The following FGF12 variants were observed in gnomAD, a reference collection of about 807,000 sequenced individuals.
FGF12 encodes fibroblast growth factor 12B.
In FGF12, 14 loss-of-function variants were observed where a neutral mutation model predicts 23.6. That is an observed-to-expected ratio of 0.59 (90% CI 0.39 to 0.93). The LOEUF is 0.93. Ranked by LOEUF, FGF12 falls within the 40% of genes least tolerant of loss-of-function variation. FGF12 has a pLI of 0.00. For missense variants in FGF12, 175 were observed against 217.8 expected, an observed-to-expected ratio of 0.80 and a Z score of 1.24; for synonymous variants, 62 against 77.3, an observed-to-expected ratio of 0.80 and a Z score of 1.04.
At chr3:192,570,863 C>T (rs2108604590) in intron 2 of FGF12, among the ~76,000 whole-genome samples, 1 of 152,248 alleles carries the variant, frequency 6.6e-6, no homozygotes, top group Non-Finnish European at 1.5e-5. Flanking sequence ...AACCTTAGCA[C>T]ATCCCTTTTT....
At chr3:192,458,249 C>T (rs965237935) in intron 2 of FGF12, among the ~76,000 whole-genome samples, 2 of 152,144 alleles carry the variant, frequency 1.3e-5, no homozygotes, top group African/African-American at 4.8e-5. Flanking sequence ...GGGGCACTGC[C>T]TAGTAGAGCT....
At chr3:192,290,306 A>G (rs1289340080) in intron 4 of FGF12, among the ~76,000 whole-genome samples, 3 of 152,134 alleles carry the variant, frequency 2.0e-5, no homozygotes, top group Non-Finnish European at 4.4e-5. Context: ...AGTGTGTGCA[A>G]TTATGATTTC....
intron 4 of FGF12, among the ~76,000 whole-genome samples, chr3:192,214,114 G>C (rs762047704): frequency 3.3e-5 from 5 of 152,110 alleles, no homozygotes; most frequent in Non-Finnish European, 7.4e-5. Context: ...CTTTTCCTTC[G>C]ACAGAGACGG....
intron 4 of FGF12, among the ~76,000 whole-genome samples, chr3:192,278,949 T>C (rs1479470060): frequency 6.6e-6 from 1 of 150,580 alleles, no homozygotes; most frequent in African/African-American, 2.4e-5. Context: ...ACTAAAATTT[T>C]TGGTGGCCTT....
intron 2 of FGF12, among the ~76,000 whole-genome samples, chr3:192,374,938 C>A (rs1719409885): frequency 1.3e-5 from 2 of 152,302 alleles, no homozygotes; most frequent in African/African-American, 4.8e-5. Flanking sequence ...ACAGTCATCT[C>A]TTTAATTCCA....
At chr3:192,213,254 A>G (rs566056054) in intron 4 of FGF12, among the ~76,000 whole-genome samples, 30 of 152,268 alleles carry the variant, frequency 2.0e-4, no homozygotes, top group Non-Finnish European at 3.7e-4. Context: ...TGGTTATCTG[A>G]AAGCGTCTCC....
At chr3:192,676,309 G>A (rs1183990046) in intron 2 of FGF12, among the ~76,000 whole-genome samples, 3 of 152,162 alleles carry the variant, frequency 2.0e-5, no homozygotes, top group East Asian at 3.8e-4. Flanking sequence ...AGAAAGAGCT[G>A]CAGAGTCCTA....
chr3:192,649,468 T>C (rs548529525), intron 2 of FGF12, among the ~76,000 whole-genome samples: 1 of 152,150 alleles, frequency 6.6e-6, no homozygotes, highest in Admixed American at 6.5e-5. Context: ...AGTTTTATTC[T>C]TATTATTATA....
chr3:192,441,838 A>G lies in FGF12; in HGVS notation c.14-81300T>C, dbSNP rs113657140. 4.4e-3 allele frequency among the ~76,000 whole-genome samples: 674 copies of G among 152,342 alleles called. 8 individuals are homozygous for G. The highest frequency in any genetic ancestry group is 0.016 in the African/African-American group (652 of 41,578). ...GCCTGGTTTCCCAGTGAACAATTTC[A>G]TCCATTACAGAATTTTCCTGTTTGT... On this transcript the variant is annotated intron_variant, in intron 2 of 5. Transcript: ENST00000445105.
At chr3:192,648,428 C>T (rs1435738648) in intron 2 of FGF12, among the ~76,000 whole-genome samples, 1 of 151,560 alleles carries the variant, frequency 6.6e-6, no homozygotes, top group Non-Finnish European at 1.5e-5. Flanking sequence ...GTCTCCCCCA[C>T]GATATGGTCA....
chr3:192,565,312 T>C (rs1577056657), intron 2 of FGF12, among the ~76,000 whole-genome samples: 1 of 152,350 alleles, frequency 6.6e-6, no homozygotes, highest in Non-Finnish European at 1.5e-5. Context: ...TTCAAAATAA[T>C]TTGCATTCTA....
At chr3:192,675,162 T>C (rs1717281226) in intron 2 of FGF12, among the ~76,000 whole-genome samples, 1 of 152,176 alleles carries the variant, frequency 6.6e-6, no homozygotes, top group Non-Finnish European at 1.5e-5. Context: ...AGCCTGTAGA[T>C]GGCCTGAGCA....
chr3:192,560,342 A>C (rs1711967199), intron 2 of FGF12, among the ~76,000 whole-genome samples: 1 of 152,026 alleles, frequency 6.6e-6, no homozygotes. Flanking sequence ...CACTCAAATA[A>C]ATAAAAAAAT....
intron 2 of FGF12, among the ~76,000 whole-genome samples, chr3:192,506,960 C>T (rs147573908): frequency 1.5e-3 from 221 of 145,816 alleles, no homozygotes; most frequent in African/African-American, 5.1e-3. Context: ...GGTGTGATCT[C>T]GGCTCACTGA....
chr3:192,305,679 A>ATATATATATATATATATATAT (rs1553794685), intron 4 of FGF12, among the ~76,000 whole-genome samples: 1 of 131,936 alleles, frequency 7.6e-6, no homozygotes, highest in South Asian at 2.6e-4. Flanking sequence ...AAAAAAAAAA[A>ATATATATATATATATATATAT]ATATATATAT....
chr3:192,226,157 C>T (rs1718721326), intron 4 of FGF12, among the ~76,000 whole-genome samples: 1 of 152,128 alleles, frequency 6.6e-6, no homozygotes, highest in Non-Finnish European at 1.5e-5. Flanking sequence ...CTTCTATAGC[C>T]TCTCTTCATG....
At chr3:192,476,404 C>T (rs1451522352) in intron 2 of FGF12, among the ~76,000 whole-genome samples, 1 of 152,138 alleles carries the variant, frequency 6.6e-6, no homozygotes, top group Non-Finnish European at 1.5e-5. Context: ...TAAAGCCTGA[C>T]TCCCACCACC....
At chr3:192,342,979 AAGAGGAAG>A (rs1173482316) in intron 3 of FGF12, among the ~76,000 whole-genome samples, 3 of 151,974 alleles carry the variant, frequency 2.0e-5, no homozygotes, top group Non-Finnish European at 4.4e-5. Flanking sequence ...GAAAGAGAAG[AAGAGGAAG>A]AGAGGGAGAG....
At chr3:192,419,330 A>G (rs1359624168) in intron 2 of FGF12, among the ~76,000 whole-genome samples, 5 of 152,170 alleles carry the variant, frequency 3.3e-5, no homozygotes, top group African/African-American at 1.2e-4. Flanking sequence ...GTTAACAAAT[A>G]GAGCTGGGGA....
Sources: gnomAD v4.1 joint callset for allele counts (sites outside exome capture counted in the v4.1 genomes callset) on GRCh38, gnomAD v4.1.1 for gene constraint, MANE v1.5 for transcripts, NCBI Gene and HGNC (gene_info 2026-07-23, HGNC 2026-07-21) for gene names.